The following TRAPPC6B variants were observed in gnomAD, a reference collection of about 807,000 sequenced individuals.
The protein encoded by TRAPPC6B is TRAPP complex subunit 6B.
In TRAPPC6B, 27 loss-of-function variants were observed where a neutral mutation model predicts 24.7. The ratio of observed to expected loss-of-function variants is 1.09; its 90% CI spans 0.81 to 1.51. The LOEUF (loss-of-function observed/expected upper bound fraction) is 1.51, where lower values mean the gene tolerates loss of function less well. TRAPPC6B is among the 40% of genes most tolerant of loss of function. The pLI is 0.00. For synonymous variants in TRAPPC6B, 80 were observed against 66.6 expected (o/e 1.20, Z -0.98); for missense variants, 212 against 190.8 (o/e 1.11, Z -0.66).
At position 39,149,653 on chromosome 14, in the gene TRAPPC6B, C is replaced by T. The variant is rs2052891674; in HGVS notation, c.*697G>A. 1 of 152,132 alleles carries T rather than the reference C, an allele frequency of 6.6e-6. No homozygotes were observed. The highest frequency in any genetic ancestry group is 2.1e-4 in the South Asian group (1 of 4,836). The allele number at this position is 152,132 out of a possible 1,614,324, so 9.4% of individuals were successfully genotyped here. On this transcript the variant is annotated 3_prime_UTR_variant, in exon 6 of 6. Coordinates refer to ENST00000330149, the MANE Select transcript of TRAPPC6B (RefSeq NM_001079537.2). ...CGGGGAGAGAAGTTGAAAGTCAAAA[C>T]TGTAACAGGAATAAATACAAAAATT...
Position 39,153,985 on chromosome 14 carries a change from G to A in TRAPPC6B, c.351+226C>T, listed in dbSNP as rs369154147. Reference sequence around the variant, plus strand: ...CTCCCAAAGTGCTGGGATTACAGGCGTGAGCCATAGCGCCCGGCCAGTGTT... The same window carrying A: ...CTCCCAAAGTGCTGGGATTACAGGCATGAGCCATAGCGCCCGGCCAGTGTT... On this transcript the variant is annotated intron_variant, in intron 4 of 5. Transcript: ENST00000330149. 6.6e-5 allele frequency among the ~76,000 whole-genome samples: 10 copies of A among 152,226 alleles called. No individual in the cohort carries two copies. In the South Asian group the frequency reaches 1.0e-3, roughly 16 times the overall value.
chr14:39,159,459 A>C lies in TRAPPC6B; in HGVS notation c.149+24T>G, dbSNP rs200686780. 1.1e-5 allele frequency: 17 copies of C among 1,554,534 alleles called. No homozygotes were observed. In the East Asian group the frequency reaches 3.5e-4, roughly 32 times the overall value. ...TTTGTTTATAACCTACCTGCAAGAA[A>C]ATTTTCAAATCCAACCTGCTCACCT... On this transcript the variant is annotated intron_variant, in intron 2 of 5. Transcript: ENST00000330149.
At chr14:39,155,686 G>A (rs898083222) in intron 3 of TRAPPC6B, among the ~76,000 whole-genome samples, 4 of 152,036 alleles carry the variant, frequency 2.6e-5, no homozygotes, top group East Asian at 1.9e-4. Context: ...ATAAGCGTGC[G>A]CCAATATGCC....
chr14:39,165,922 G>A (rs1043551085), intron 1 of TRAPPC6B, among the ~76,000 whole-genome samples: 1 of 152,062 alleles, frequency 6.6e-6, no homozygotes, highest in Non-Finnish European at 1.5e-5. Context: ...TTCTGCCTCA[G>A]CCTCCCGAGT....
intron 4 of TRAPPC6B, among the ~76,000 whole-genome samples, chr14:39,152,684 T>C (rs1368599618): frequency 1.3e-5 from 2 of 152,158 alleles, no homozygotes; most frequent in Admixed American, 6.6e-5. Context: ...ATCGGGGAAT[T>C]TGTGACCCCT....
At chr14:39,155,150 G>C (rs1382291897) in intron 3 of TRAPPC6B, among the ~76,000 whole-genome samples, 1 of 151,830 alleles carries the variant, frequency 6.6e-6, no homozygotes. Flanking sequence ...GGCTGGTCTG[G>C]AACTCCAGGG....
At chr14:39,154,459 G>A (rs918261321) in intron 3 of TRAPPC6B, among the ~76,000 whole-genome samples, 165 bp from the exon 4 acceptor site, 6 of 151,984 alleles carry the variant, frequency 3.9e-5, no homozygotes, top group Non-Finnish European at 7.4e-5. Flanking sequence ...CTCCTCTGTC[G>A]CCCAGGGTAG....
intron 5 of TRAPPC6B, 149 bp downstream of exon 5, chr14:39,151,597 T>C (rs1469981953): frequency 3.7e-6 from 2 of 547,780 alleles, no homozygotes; most frequent in African/African-American, 3.9e-5. Context: ...GAATGTAGTA[T>C]GCTACATATT....
chr14:39,154,213 T>A lies in TRAPPC6B; in HGVS notation c.349A>T (p.Lys117Ter). 1 of 1,606,326 alleles carries A rather than the reference T, an allele frequency of 6.2e-7. No individual in the cohort carries two copies. The highest frequency in any genetic ancestry group is 8.5e-7 in the Non-Finnish European group (1 of 1,173,524). The change falls in exon 4 of 6, where the codon AAG becomes TAG. Residue 117 changes from lysine (K) to a stop codon, truncating the protein, a stop_gained and splice_region_variant. Transcript: ENST00000330149. LOFTEE classifies it high-confidence loss of function. The part of the protein sequence containing the change: ...AGKQYLEHAS[K>*]YLAFTCGLIR... ...CCAACTTCTATTCCATTAAATACCTTAGATGCATGTTCTAAATACTGTTTT... is the reference window on the plus strand; with the variant it reads ...CCAACTTCTATTCCATTAAATACCTAAGATGCATGTTCTAAATACTGTTTT...
chr14:39,166,112 T>A (rs965881236), intron 1 of TRAPPC6B, among the ~76,000 whole-genome samples: 4 of 151,998 alleles, frequency 2.6e-5, no homozygotes, highest in African/African-American at 9.7e-5. Context: ...TCTTTTTTTT[T>A]TTATTTAAAT....
At chr14:39,155,435 T>A (rs1409006442) in intron 3 of TRAPPC6B, among the ~76,000 whole-genome samples, 1 of 152,170 alleles carries the variant, frequency 6.6e-6, no homozygotes, top group Admixed American at 6.5e-5. Context: ...GAGACGGGGT[T>A]TCTCCATGTT....
At chr14:39,167,057 AT>A (rs1317365133) in intron 1 of TRAPPC6B, among the ~76,000 whole-genome samples, 3 of 152,212 alleles carry the variant, frequency 2.0e-5, no homozygotes, top group Non-Finnish European at 2.9e-5. Flanking sequence ...CAATATGCTT[AT>A]ATGCAGACAC....
intron 3 of TRAPPC6B, among the ~76,000 whole-genome samples, chr14:39,154,844 G>T (rs912093953): frequency 2.0e-5 from 3 of 152,184 alleles, no homozygotes; most frequent in Non-Finnish European, 4.4e-5. Context: ...AACACTGTCT[G>T]AGACATAGTC....
rs2053149135 is a variant in TRAPPC6B at position 39,169,896 on chromosome 14, A to G, written c.81+119T>C. The G allele has an allele frequency of 4.4e-6, 4 of 907,054 alleles. No homozygotes were observed. In the Admixed American group the frequency reaches 9.1e-5, roughly 21 times the overall value. 56.2% of individuals were successfully genotyped at this position (907,054 alleles called of 1,614,324 possible). A position where few individuals can be genotyped will look rare whatever the true frequency, so the allele number is the denominator to read the frequency against. ...GGTTTAGGACACCTGGAGGTGGACC[A>G]TTTTGTGTACACCTCGGGAGGCGTC... is the stretch of plus-strand genomic sequence containing the variant. On this transcript the variant is annotated intron_variant, in intron 1 of 5. Transcript: ENST00000330149.
intron 1 of TRAPPC6B, 76 bp downstream of exon 1, chr14:39,169,939 G>T: frequency 6.8e-7 from 1 of 1,463,966 alleles, no homozygotes; most frequent in Non-Finnish European, 9.6e-7. Flanking sequence ...GATGGGACAG[G>T]GGTTGAAGGA....
Position 39,154,257 on chromosome 14 carries a change from A to C in TRAPPC6B, c.305T>G (p.Leu102Arg). ...YVLQDNKFRL[L>R]TQMSAGKQYL... ...CTGTTTTCCTGCAGACATCTGAGTA[A>C]GCAGGCGAAATTTGTTGTCCTGAAG... Residue 102 changes from leucine (L) to arginine (R), a missense_variant, in exon 4 of 6, where the codon CTT (leucine) becomes CGT (arginine). Transcript: ENST00000330149. The C allele has an allele frequency of 6.2e-7, 1 of 1,613,562 alleles. No homozygotes were observed. Among genetic ancestry groups the C allele is most frequent in the South Asian group, 1.1e-5 (1 of 91,006 alleles).
intron 1 of TRAPPC6B, among the ~76,000 whole-genome samples, chr14:39,161,066 A>T (rs936360421): frequency 6.6e-6 from 1 of 152,228 alleles, no homozygotes; most frequent in African/African-American, 2.4e-5. Flanking sequence ...TAATTTTTGA[A>T]TGTTGACACT....
intron 3 of TRAPPC6B, among the ~76,000 whole-genome samples, chr14:39,155,389 G>C (rs1594536152): frequency 6.6e-6 from 1 of 152,264 alleles, no homozygotes; most frequent in East Asian, 1.9e-4. Flanking sequence ...TTACAGGCAT[G>C]CGCCACTACG....
chr14:39,163,035 G>C (rs559682316), intron 1 of TRAPPC6B, among the ~76,000 whole-genome samples: 1 of 150,714 alleles, frequency 6.6e-6, no homozygotes, highest in South Asian at 2.1e-4. Flanking sequence ...TTCTTTAAAA[G>C]TGCAACATCA....
Sources: gnomAD v4.1 joint callset for allele counts (sites outside exome capture counted in the v4.1 genomes callset) on GRCh38, gnomAD v4.1.1 for gene constraint, MANE v1.5 for transcripts, NCBI Gene and HGNC (gene_info 2026-07-23, HGNC 2026-07-21) for gene names.